The following RBFOX1 variants were observed in gnomAD, a reference collection of about 807,000 sequenced individuals.
RBFOX1 encodes the protein RNA binding fox-1 homolog 1.
A neutral mutation model predicts 57.7 loss-of-function variants in RBFOX1; 8 were observed. That is an observed-to-expected ratio of 0.14 (90% CI 0.08 to 0.25). The LOEUF (loss-of-function observed/expected upper bound fraction) is 0.25. Among genes scored for constraint, RBFOX1 ranks in the 10% least tolerant of loss-of-function variants. RBFOX1 has a pLI of 1.00. For synonymous variants in RBFOX1, 326 were observed against 222.4 expected (o/e 1.47, Z -4.15); for missense variants, 611 against 548.5 (o/e 1.11, Z -1.14).
At position 7,048,087 on chromosome 16, in the gene RBFOX1, C is replaced by T. The variant is rs186564216; in HGVS notation, c.-15-3970C>T. On this transcript the variant is annotated intron_variant, in intron 3 of 15. Transcript: ENST00000550418. ...AGAGAAGGGGTTTCACCATGTTGGC[C>T]AGGCTGGTCTCAAATTCCTGACCTC... Among the ~76,000 whole-genome samples the T allele has an allele frequency of 4.5e-3, 691 of 152,144 alleles. 6 individuals are homozygous for T. The highest frequency in any genetic ancestry group is 0.016 in the African/African-American group (659 of 41,512).
chr16:5,395,657 A>T (rs2066531384), intron 1 of RBFOX1, among the ~76,000 whole-genome samples: 1 of 152,106 alleles, frequency 6.6e-6, no homozygotes, highest in Non-Finnish European at 1.5e-5. Context: ...TTGCATGTGG[A>T]TGGGACCTGT....
chr16:5,824,826 C>T (rs2055979187), intron 3 of RBFOX1, among the ~76,000 whole-genome samples: 1 of 152,120 alleles, frequency 6.6e-6, no homozygotes, highest in Non-Finnish European at 1.5e-5. Flanking sequence ...ACCCTGAGGC[C>T]TACTTCCCAT....
At chr16:6,515,591 C>A (rs1035502134) in intron 2 of RBFOX1, among the ~76,000 whole-genome samples, 2 of 152,142 alleles carry the variant, frequency 1.3e-5, no homozygotes, top group Non-Finnish European at 2.9e-5. Flanking sequence ...TCTAAAGAAG[C>A]CTTTTTATGG....
rs2094180559 is a variant in RBFOX1, at chr16:7,587,249, A to G, written c.417A>G (p.Gln139=). The G allele has an allele frequency of 6.4e-7, 1 of 1,568,728 alleles. No individual in the cohort carries two copies. Among genetic ancestry groups the G allele is most frequent in the Non-Finnish European group, 8.6e-7 (1 of 1,157,820 alleles). ...RDPDLRQMFG[Q]FGKILDVEII... is the part of the protein sequence containing the mutation. ...AAGATATTTCTATTTCTTTGCAGCA[A>G]TTTGGTAAAATCTTAGATGTTGAAA... Residue 139 remains glutamine (Q), a splice_region_variant and synonymous_variant, in exon 7 of 16, where the codon CAA becomes CAG. Transcript: ENST00000550418.
chr16:6,457,126 A>T (rs1363140328), intron 2 of RBFOX1, among the ~76,000 whole-genome samples: 1 of 152,290 alleles, frequency 6.6e-6, no homozygotes, highest in South Asian at 2.1e-4. Flanking sequence ...GAATGAAAAG[A>T]AAAGAAAATC....
At chr16:5,456,296 A>G (rs551009989) in intron 1 of RBFOX1, among the ~76,000 whole-genome samples, 19 of 152,182 alleles carry the variant, frequency 1.2e-4, no homozygotes, top group Non-Finnish European at 2.6e-4. Flanking sequence ...TTGGATATTT[A>G]TTTCAAGGTT....
chr16:7,573,759 C>T (rs545942261), intron 5 of RBFOX1, among the ~76,000 whole-genome samples: 43 of 151,838 alleles, frequency 2.8e-4, no homozygotes, highest in Non-Finnish European at 5.2e-4. Flanking sequence ...TGCTTGAACC[C>T]GGGAGGCAGA....
intron 4 of RBFOX1, among the ~76,000 whole-genome samples, chr16:5,970,021 C>G (rs1437444959): frequency 1.3e-5 from 2 of 152,056 alleles, no homozygotes; most frequent in African/African-American, 4.8e-5. Flanking sequence ...AATACTCTTC[C>G]TAGTTCAGCT....
Position 6,097,187 on chromosome 16 carries a change from T to G in RBFOX1, c.-127+77195T>G, listed in dbSNP as rs1396778469. Among the ~76,000 whole-genome samples, 1 of 152,218 alleles carries G rather than the reference T, an allele frequency of 6.6e-6. No homozygotes were observed. Among genetic ancestry groups the G allele is most frequent in the African/African-American group, 2.4e-5 (1 of 41,456 alleles). On this transcript the variant is annotated intron_variant, in intron 1 of 15. Coordinates refer to ENST00000550418, the MANE Select transcript of RBFOX1 (RefSeq NM_018723.4). The surrounding 1 kb of genome is among the most constrained non-coding windows in gnomAD (Gnocchi z 5.0). ...TGCCTTGTAAGACGTGACTTTCGCT[T>G]TCTGCCATGATTGTGAGGCCTCCGT...
At chr16:5,877,796 G>A (rs944875191) in intron 4 of RBFOX1, among the ~76,000 whole-genome samples, 3 of 152,232 alleles carry the variant, frequency 2.0e-5, no homozygotes, top group African/African-American at 7.2e-5. Flanking sequence ...TAGAAATAGG[G>A]TGGTAACTTC....
intron 2 of RBFOX1, among the ~76,000 whole-genome samples, chr16:6,517,569 G>A (rs1156361020): frequency 6.6e-6 from 1 of 152,100 alleles, no homozygotes; most frequent in Non-Finnish European, 1.5e-5. Flanking sequence ...TATTCAAGGA[G>A]AATTTAGAAA....
intron 3 of RBFOX1, among the ~76,000 whole-genome samples, chr16:7,025,449 C>G (rs895053111): frequency 1.3e-5 from 2 of 152,102 alleles, no homozygotes; most frequent in African/African-American, 2.4e-5. Context: ...ACTTAGAATG[C>G]CTAACCTTCT....
At chr16:6,033,469 G>C (rs555117423) in intron 1 of RBFOX1, among the ~76,000 whole-genome samples, 1 of 152,190 alleles carries the variant, frequency 6.6e-6, no homozygotes, top group Admixed American at 6.5e-5. Flanking sequence ...TATTTTATGC[G>C]AATACAAACA....
chr16:7,137,225 T>A (rs2072278649), intron 4 of RBFOX1, among the ~76,000 whole-genome samples: 1 of 152,148 alleles, frequency 6.6e-6, no homozygotes, highest in Non-Finnish European at 1.5e-5. Flanking sequence ...CACTAGGAAG[T>A]CATCAGAGGC....
chr16:6,564,489 C>G, intron 2 of RBFOX1, among the ~76,000 whole-genome samples: 1 of 151,952 alleles, frequency 6.6e-6, no homozygotes, highest in East Asian at 1.9e-4. Context: ...CAAAAATAAA[C>G]AAACAAACAC....
rs911386326 is a variant in RBFOX1, at chr16:7,596,127, A to G, written c.561+486A>G. On this transcript the variant is annotated intron_variant, in intron 8 of 15. Coordinates refer to ENST00000550418, the MANE Select transcript of RBFOX1 (RefSeq NM_018723.4). ...TTGTTTGTTTGTTTGTTTTTTGTGG[A>G]AAAAAAAACAAAAAAAAAAACGAGA... is the stretch of plus-strand genomic sequence containing the variant. Among the ~76,000 whole-genome samples, 21 of 73,390 alleles carry G rather than the reference A, an allele frequency of 2.9e-4. No homozygotes were observed. The South Asian group carries it at 4.3e-3, about 15-fold the overall frequency. 48.1% of individuals were successfully genotyped at this position (73,390 alleles called of 152,430 possible).
chr16:6,236,759 A>T (rs1482643549), intron 1 of RBFOX1, among the ~76,000 whole-genome samples: 1 of 152,070 alleles, frequency 6.6e-6, no homozygotes, highest in African/African-American at 2.4e-5. Flanking sequence ...CCTTATTATG[A>T]TGTATTTTTG....
intron 3 of RBFOX1, among the ~76,000 whole-genome samples, chr16:5,680,930 G>C (rs756455228): frequency 1.2e-4 from 18 of 151,946 alleles, no homozygotes; most frequent in Non-Finnish European, 2.2e-4. Flanking sequence ...TGGGGGGCAG[G>C]GGTGCAGCAG....
intron 4 of RBFOX1, among the ~76,000 whole-genome samples, chr16:7,078,030 A>C (rs934891569): frequency 6.6e-6 from 1 of 152,170 alleles, no homozygotes; most frequent in Non-Finnish European, 1.5e-5. Flanking sequence ...CATCACTGCT[A>C]AGACAGACAA....
Sources: allele counts gnomAD v4.1 joint callset (sites outside exome capture counted in the v4.1 genomes callset), GRCh38; gene constraint gnomAD v4.1.1; non-coding constraint Gnocchi (gnomAD v3.1); transcripts MANE v1.5; gene names NCBI Gene and HGNC (gene_info 2026-07-23, HGNC 2026-07-21).